PLEKHA6: variants seen among roughly 807,000 people sequenced by gnomAD.
PLEKHA6 encodes pleckstrin homology domain containing A6.
Under a neutral mutation model 116.7 loss-of-function variants are expected in PLEKHA6, and 60 were observed. The ratio of observed to expected loss-of-function variants is 0.51; its 90% CI spans 0.42 to 0.64. The LOEUF is 0.64. Ranked by LOEUF, PLEKHA6 falls within the 30% of genes least tolerant of loss-of-function variation. The pLI, the probability that PLEKHA6 is intolerant of heterozygous loss-of-function variation, is 0.00. For missense variants in PLEKHA6, 1,338 were observed against 1,422.7 expected (o/e 0.94, Z 0.96); for synonymous variants, 489 against 556.1 (o/e 0.88, Z 1.70).
Position 204,278,840 on chromosome 1 carries a change from G to A in PLEKHA6, c.-94-4031C>T, listed in dbSNP as rs185287966. 2.0e-5 allele frequency among the ~76,000 whole-genome samples: 3 copies of A among 152,194 alleles called. No homozygotes were observed. In the East Asian group the frequency reaches 5.8e-4, roughly 29 times the overall value. On this transcript the variant is annotated intron_variant, in intron 1 of 22. Coordinates refer to ENST00000272203, the MANE Select transcript of PLEKHA6 (RefSeq NM_014935.5). Reference sequence around the variant, plus strand: ...TCCTGCCCATACATAACAGGTGCTCGATAAATATTTGTTGAATGAATGAAT... The same window carrying A: ...TCCTGCCCATACATAACAGGTGCTCAATAAATATTTGTTGAATGAATGAAT...
intron 18 of PLEKHA6, among the ~76,000 whole-genome samples, chr1:204,229,918 GT>G (rs1660927494): frequency 6.6e-6 from 1 of 152,110 alleles, no homozygotes; most frequent in Admixed American, 6.6e-5. Context: ...TCTTGACTTT[GT>G]TTCCCCATCT....
At chr1:204,316,009 T>G (rs749322088) in intron 1 of PLEKHA6, among the ~76,000 whole-genome samples, 2 of 152,204 alleles carry the variant, frequency 1.3e-5, no homozygotes, top group Non-Finnish European at 1.5e-5. Context: ...TTCCTATTTA[T>G]AAGCTTGCTT....
chr1:204,304,669 C>G (rs1435158775), intron 1 of PLEKHA6, among the ~76,000 whole-genome samples: 1 of 152,122 alleles, frequency 6.6e-6, no homozygotes, highest in African/African-American at 2.4e-5. Context: ...TCTTATTTTA[C>G]CTCAGACTGG....
At chr1:204,318,216 G>A (rs1040069002) in intron 1 of PLEKHA6, among the ~76,000 whole-genome samples, 12 of 152,210 alleles carry the variant, frequency 7.9e-5, no homozygotes, top group African/African-American at 2.9e-4. Context: ...CTTTAGAGAA[G>A]GAGACAGAGG....
intron 11 of PLEKHA6, 87 bp downstream of exon 11, chr1:204,249,097 C>T (rs2102644826): frequency 6.8e-7 from 1 of 1,478,680 alleles, no homozygotes; most frequent in East Asian, 2.3e-5. Flanking sequence ...TTTGTCATCT[C>T]AGTCAGGTTG....
intron 9 of PLEKHA6, chr1:204,256,770 C>T (rs1318315187): frequency 1.7e-6 from 1 of 574,742 alleles, no homozygotes; most frequent in South Asian, 2.2e-5. Flanking sequence ...GCGGGGAGGC[C>T]CTGAGACAGG....
At chr1:204,356,947 A>C (rs541680625) in intron 1 of PLEKHA6, among the ~76,000 whole-genome samples, 1 of 152,366 alleles carries the variant, frequency 6.6e-6, no homozygotes, top group African/African-American at 2.4e-5. Context: ...ATGAACAAAA[A>C]TGTTCCTCTT....
chr1:204,247,079 G>A (rs968282944), intron 13 of PLEKHA6, among the ~76,000 whole-genome samples: 2 of 152,190 alleles, frequency 1.3e-5, no homozygotes, highest in Admixed American at 1.3e-4. Context: ...CAAGGCTGCA[G>A]TGAGCTGTGA....
chr1:204,241,973 T>C (rs1662891972), intron 15 of PLEKHA6, among the ~76,000 whole-genome samples, 159 bp from the exon 16 acceptor site: 1 of 152,208 alleles, frequency 6.6e-6, no homozygotes, highest in Non-Finnish European at 1.5e-5. Flanking sequence ...CGGACAGGAA[T>C]GCACTGGAGC....
chr1:204,251,694 A>C, intron 9 of PLEKHA6: 1 of 662,986 alleles, frequency 1.5e-6, no homozygotes, highest in Non-Finnish European at 2.8e-6. Flanking sequence ...CTTGTTTCCC[A>C]GGAAACAGGG....
intron 17 of PLEKHA6, among the ~76,000 whole-genome samples, chr1:204,231,450 T>C (rs898669087): frequency 4.4e-4 from 67 of 152,358 alleles, no homozygotes; most frequent in African/African-American, 1.6e-3. Flanking sequence ...ATGTGCATAT[T>C]ACCTACACAT....
intron 1 of PLEKHA6, among the ~76,000 whole-genome samples, chr1:204,355,998 C>A (rs2369102): frequency 0.15 from 4,170 of 28,270 alleles, 71 homozygotes; most frequent in Middle Eastern, 0.25. Flanking sequence ...CACACACACA[C>A]ACAAAAAAAA....
chr1:204,228,928 T>C lies in PLEKHA6; in HGVS notation c.2751+9A>G. 6.2e-7 allele frequency: 1 copy of C among 1,614,062 alleles called. No individual in the cohort carries two copies. Among genetic ancestry groups the C allele is most frequent in the Non-Finnish European group, 8.5e-7 (1 of 1,179,984 alleles). On this transcript the variant is annotated intron_variant, in intron 19 of 22. Transcript: ENST00000272203. This position sits in a 1 kb window ranked among gnomAD's most constrained non-coding sequence, Gnocchi z 4.0. The stretch of plus-strand genomic sequence containing the variant: ...GTCTCCCACTACAGCCCTTCCTGGC[T>C]CCACTCACCTCCTTATTGATGTCCA...
chr1:204,340,233 T>TACTAGAACCAGC, intron 1 of PLEKHA6, among the ~76,000 whole-genome samples: 1 of 152,112 alleles, frequency 6.6e-6, no homozygotes, highest in East Asian at 1.9e-4. Context: ...CCCAGCAGGG[T>TACTAGAACCAGC]AGCTGAATGT....
rs190221051 is a variant in PLEKHA6, at chr1:204,285,258, C to T, written c.-94-10449G>A. 3.7e-3 allele frequency among the ~76,000 whole-genome samples: 566 copies of T among 152,320 alleles called. 4 individuals are homozygous for T. Among genetic ancestry groups the T allele is most frequent in the African/African-American group, 0.013 (548 of 41,564 alleles). On this transcript the variant is annotated intron_variant, in intron 1 of 22. Transcript: ENST00000272203. Reference sequence around the variant, plus strand: ...AATTCTAAGCCAGTGTATCCTTCCACCAGCTGATGAGCTCAGTGTCTTCAG... The same window carrying T: ...AATTCTAAGCCAGTGTATCCTTCCATCAGCTGATGAGCTCAGTGTCTTCAG...
chr1:204,228,039 G>A lies in PLEKHA6; in HGVS notation c.3031+44C>T. Reference sequence around the variant, plus strand: ...ACGCTTCCTCCCTTAAACCTGGTCAGCTGGTTTCCCTGGCAGGGTGGAGCG... The same window carrying A: ...ACGCTTCCTCCCTTAAACCTGGTCAACTGGTTTCCCTGGCAGGGTGGAGCG... On this transcript the variant is annotated intron_variant, in intron 21 of 22. Transcript: ENST00000272203. The surrounding 1 kb of genome is among the most constrained non-coding windows in gnomAD (Gnocchi z 4.0). 1 of 1,598,100 alleles carries A rather than the reference G, an allele frequency of 6.3e-7. No individual in the cohort carries two copies. The highest frequency in any genetic ancestry group is 8.5e-7 in the Non-Finnish European group (1 of 1,172,550).
At chr1:204,333,666 G>GCT (rs1046616313) in intron 1 of PLEKHA6, among the ~76,000 whole-genome samples, 2 of 152,138 alleles carry the variant, frequency 1.3e-5, no homozygotes, top group African/African-American at 4.8e-5. Flanking sequence ...CCAGCTCAGA[G>GCT]CTCTCTCTCA....
chr1:204,292,155 T>A (rs1669834194), intron 1 of PLEKHA6, among the ~76,000 whole-genome samples: 2 of 152,158 alleles, frequency 1.3e-5, no homozygotes, highest in Admixed American at 6.5e-5. Flanking sequence ...CTGAATACGG[T>A]CTTCATCAAA....
rs971278101 is a variant in PLEKHA6, at chr1:204,255,531, G to A, written c.1524+1822C>T. 12 of 679,818 alleles carry A rather than the reference G, an allele frequency of 1.8e-5. No individual in the cohort carries two copies. In the Admixed American group the frequency reaches 2.6e-4, roughly 15 times the overall value. The allele number at this position is 679,818 out of a possible 1,614,324, so 42.1% of individuals were successfully genotyped here. ...TTGTGTCCTGCTTGCACCAACAAAG[G>A]TTGTCAAATGGCTGGAAGATGAGGA... On this transcript the variant is annotated intron_variant, in intron 9 of 22. Coordinates refer to ENST00000272203, the MANE Select transcript of PLEKHA6 (RefSeq NM_014935.5).
Sources: allele counts gnomAD v4.1 joint callset (sites outside exome capture counted in the v4.1 genomes callset), GRCh38; gene constraint gnomAD v4.1.1; non-coding constraint Gnocchi (gnomAD v3.1); transcripts MANE v1.5; gene names NCBI Gene and HGNC (gene_info 2026-07-23, HGNC 2026-07-21).